VAC14: variants seen among roughly 807,000 people sequenced by gnomAD.
VAC14 encodes protein VAC14 homolog.
VAC14 carries 47 observed loss-of-function variants against 85.3 expected under a neutral mutation model. The observed-to-expected ratio is 0.55, with a 90% CI of 0.44 to 0.70. VAC14 has a LOEUF of 0.70. Among genes scored for constraint, VAC14 ranks in the 30% least tolerant of loss-of-function variants. The pLI, the probability that VAC14 is intolerant of heterozygous loss-of-function variation, is 0.00. For synonymous variants in VAC14, 447 were observed against 430.5 expected, an observed-to-expected ratio of 1.04 and a Z score of -0.47; for missense variants, 861 against 1,004.3, an observed-to-expected ratio of 0.86 and a Z score of 1.93.
chr16:70,786,345 G>C lies in VAC14; in HGVS notation c.125C>G (p.Ala42Gly), dbSNP rs951835951. ...CTTGATTTGCACGGTATTGTTCTGG[G>C]CCACGAACTCCCGGACCAGCCTGGA... ...EIEKLVREFV[A>G]QNNTVQIKHV... Residue 42 changes from alanine (A) to glycine (G), a missense_variant, in exon 2 of 19, where the codon GCC becomes GGC. Around this residue, in one of 3 missense-constraint regions of VAC14, gnomAD observed 629 missense variants for 703.1 expected, o/e 0.89. Transcript: ENST00000261776. 1.2e-6 allele frequency: 2 copies of C among 1,614,014 alleles called. No individual in the cohort carries two copies. Among genetic ancestry groups the C allele is most frequent in the African/African-American group, 1.3e-5 (1 of 74,942 alleles).
chr16:70,753,922 G>C (rs1208137179), intron 12 of VAC14, among the ~76,000 whole-genome samples: 2 of 152,116 alleles, frequency 1.3e-5, no homozygotes, highest in African/African-American at 4.8e-5. Context: ...CCTCTTTGTG[G>C]GGTTCCTCCT....
rs112119073 is a variant in VAC14 at position 70,785,752 on chromosome 16, G to A, written c.373C>T (p.Arg125Trp). ...EALYNIVKVA[R>W]GAVLPHFNVL... ...TTGAAGTGGGGCAGCACAGCGCCCC[G>A]GGCCACCTTGACGATGTTGTAGAGG... The change falls in exon 3 of 19, where the codon CGG becomes TGG. Residue 125 changes from arginine to tryptophan, a missense_variant. Physicochemically the swap from Arg to Trp is moderately radical, Grantham distance 101. Transcript: ENST00000261776. The A allele has an allele frequency of 5.1e-6, 8 of 1,575,130 alleles. No homozygotes were observed. The highest frequency in any genetic ancestry group is 3.5e-5 in the South Asian group (3 of 86,122).
chr16:70,796,529 A>C (rs972749792), intron 1 of VAC14, among the ~76,000 whole-genome samples: 4 of 152,204 alleles, frequency 2.6e-5, no homozygotes, highest in Admixed American at 2.6e-4. Flanking sequence ...AGACACATGA[A>C]CCTGAGTTTT....
At position 70,702,338 on chromosome 16, in the gene VAC14, T is replaced by A. The variant is rs559284373; in HGVS notation, c.1662-3527A>T. Among the ~76,000 whole-genome samples the A allele has an allele frequency of 2.0e-5, 3 of 152,262 alleles. No homozygotes were observed. In the South Asian group the frequency reaches 6.2e-4, roughly 32 times the overall value. On this transcript the variant is annotated intron_variant, in intron 14 of 18. Coordinates refer to ENST00000261776, the MANE Select transcript of VAC14 (RefSeq NM_018052.5). ...AGCACAAGCCTCCTCACGAGGTGTC[T>A]CCCTCTGAGTGAGGTGTCTCCCTCT...
At chr16:70,778,161 C>G (rs1237989822) in intron 9 of VAC14, among the ~76,000 whole-genome samples, 3 of 152,198 alleles carry the variant, frequency 2.0e-5, no homozygotes, top group African/African-American at 7.2e-5. Flanking sequence ...CCTGGGCAAG[C>G]AGCTGTGTGA....
At chr16:70,694,838 CAG>C (rs1407538332) in intron 17 of VAC14, among the ~76,000 whole-genome samples, 1 of 152,246 alleles carries the variant, frequency 6.6e-6, no homozygotes, top group East Asian at 1.9e-4. Flanking sequence ...ACTCTTCTTT[CAG>C]AGAGGTACAG....
Position 70,698,773 on chromosome 16 carries a change from T to C in VAC14, c.1700A>G (p.His567Arg), listed in dbSNP as rs764322528. The C allele has an allele frequency of 6.2e-7, 1 of 1,614,074 alleles. No individual in the cohort carries two copies. Among genetic ancestry groups the C allele is most frequent in the Admixed American group, 1.7e-5 (1 of 60,022 alleles). Residue 567 changes from histidine (H) to arginine (R), a missense_variant, in exon 15 of 19, where the codon CAC (histidine) becomes CGC (arginine). His to Arg is a conservative substitution (Grantham distance 29, BLOSUM62 0). Coordinates refer to ENST00000261776, the MANE Select transcript of VAC14 (RefSeq NM_018052.5). ...CLLLNAENIF[H>R]SMADILLREE... ...CCGCAGCAGGATGTCTGCCATTGAG[T>C]GGAAGATGTTCTCCGCATTCAGCAG...
intron 13 of VAC14, among the ~76,000 whole-genome samples, chr16:70,732,994 A>G (rs2143003301): frequency 6.6e-6 from 1 of 152,332 alleles, no homozygotes; most frequent in South Asian, 2.1e-4. Context: ...TTGAGATATC[A>G]TCCATATACC....
At chr16:70,775,661 C>T (rs896561775) in intron 9 of VAC14, among the ~76,000 whole-genome samples, 7 of 152,182 alleles carry the variant, frequency 4.6e-5, no homozygotes, top group African/African-American at 1.7e-4. Flanking sequence ...GTCTGATGGA[C>T]CAGGGCCTGG....
At chr16:70,740,861 G>C (rs1253143671) in intron 13 of VAC14, among the ~76,000 whole-genome samples, 1 of 152,218 alleles carries the variant, frequency 6.6e-6, no homozygotes, top group African/African-American at 2.4e-5. Context: ...TTTATGCAAG[G>C]CCAGGCGAGA....
chr16:70,766,391 T>TA, intron 10 of VAC14: 1 of 438,148 alleles, frequency 2.3e-6, no homozygotes. Context: ...ACGGAGCTGG[T>TA]ATGTGAACTG....
At chr16:70,756,744 C>T (rs1267953991) in intron 12 of VAC14, among the ~76,000 whole-genome samples, 1 of 152,198 alleles carries the variant, frequency 6.6e-6, no homozygotes, top group African/African-American at 2.4e-5. Flanking sequence ...GGACCGGGTA[C>T]ATCGCTGTAC....
At chr16:70,722,004 T>A (rs1360929284) in intron 14 of VAC14, among the ~76,000 whole-genome samples, 1 of 152,108 alleles carries the variant, frequency 6.6e-6, no homozygotes, top group Non-Finnish European at 1.5e-5. Flanking sequence ...ACCCTGCAGA[T>A]CACCTCCCAA....
intron 14 of VAC14, among the ~76,000 whole-genome samples, chr16:70,704,008 G>A (rs1187376484): frequency 6.6e-6 from 1 of 152,216 alleles, no homozygotes; most frequent in African/African-American, 2.4e-5. Context: ...GCCAGGGGCT[G>A]GTGTGAGCCT....
intron 10 of VAC14, 129 bp downstream of exon 10, chr16:70,771,980 A>T: frequency 1.3e-6 from 1 of 783,492 alleles, no homozygotes; most frequent in Non-Finnish European, 2.1e-6. Context: ...TCTTTTGTGT[A>T]CGAGGGTGTC....
At chr16:70,740,988 G>A (rs902251821) in intron 13 of VAC14, among the ~76,000 whole-genome samples, 6 of 152,360 alleles carry the variant, frequency 3.9e-5, no homozygotes, top group East Asian at 1.9e-4. Context: ...CCACTGCTGC[G>A]TGTGATCCGC....
chr16:70,756,154 TAC>T (rs1567572170), intron 12 of VAC14: 1 of 453,352 alleles, frequency 2.2e-6, no homozygotes, highest in East Asian at 7.0e-5. Context: ...GCTGGGGTGA[TAC>T]ACAGGGCTGC....
chr16:70,688,051 G>A lies in VAC14; in HGVS notation c.2226C>T (p.Asp742=). The A allele has an allele frequency of 1.3e-6, 2 of 1,597,390 alleles. No homozygotes were observed. The highest frequency in any genetic ancestry group is 2.3e-5 in the East Asian group (1 of 43,636). ...GCTCTGCGTAGTCGATGCTAGGGGA[G>A]TCAGCTTTCTGGGACTTGGGGGCTG... is the stretch of plus-strand genomic sequence containing the variant. The part of the protein sequence containing the change: ...LKAAPKSQKA[D]SPSIDYAELL... The change falls in exon 19 of 19, where the codon GAC becomes GAT. Residue 742 remains aspartate, a synonymous_variant. Coordinates refer to ENST00000261776, the MANE Select transcript of VAC14 (RefSeq NM_018052.5).
chr16:70,747,780 GA>G (rs1161768291), intron 12 of VAC14: 2 of 152,358 alleles, frequency 1.3e-5, no homozygotes, highest in Non-Finnish European at 2.9e-5. Context: ...AGCAGGGGAG[GA>G]AAGTGAGGAG....
Sources: gnomAD v4.1 joint callset for allele counts (sites outside exome capture counted in the v4.1 genomes callset) on GRCh38, gnomAD v4.1.1 for gene constraint, gnomAD v4.1.1 regional missense constraint, MANE v1.5 for transcripts, NCBI Gene and HGNC (gene_info 2026-07-23, HGNC 2026-07-21) for gene names.